The following JOSD1 variants were observed in gnomAD, a reference collection of about 807,000 sequenced individuals.
JOSD1 encodes Josephin domain containing 1, also known as josephin-1.
JOSD1 carries 11 observed loss-of-function variants against 24.3 expected under a neutral mutation model. That is an observed-to-expected ratio of 0.45 (90% CI 0.29 to 0.75). The LOEUF is 0.75. Among genes scored for constraint, JOSD1 ranks in the 30% least tolerant of loss-of-function variants. The probability of loss-of-function intolerance (pLI) is 0.11; values close to 1 mark genes in which losing one functional copy is unlikely to be tolerated. For synonymous variants in JOSD1, 106 were observed against 93.8 expected (o/e 1.13, Z -0.75); for missense variants, 184 against 253.5 (o/e 0.73, Z 1.86).
chr22:38,688,742 A>T (rs1446213154), intron 4 of JOSD1, among the ~76,000 whole-genome samples, 193 bp downstream of exon 4: 1 of 152,154 alleles, frequency 6.6e-6, no homozygotes, highest in Non-Finnish European at 1.5e-5. Flanking sequence ...CTTCCCTACC[A>T]AAAGGACTTA....
In JOSD1 at chr22:38,685,917, A is replaced by G. The variant is rs1438711922; in HGVS notation, c.*1985T>C. 6.6e-6 allele frequency: 1 copy of G among 152,662 alleles called. No individual in the cohort carries two copies. The highest frequency in any genetic ancestry group is 1.9e-4 in the East Asian group (1 of 5,200). The allele number at this position is 152,662 out of a possible 1,614,324, so 9.5% of individuals were successfully genotyped here. A position where few individuals can be genotyped will look rare whatever the true frequency, so the allele number is the denominator to read the frequency against. ...CCATTGGCTCATGGACTCCAAGTGCATGGGGACTCTTTCAAGTGCCATTTG... is the reference window on the plus strand; with the variant it reads ...CCATTGGCTCATGGACTCCAAGTGCGTGGGGACTCTTTCAAGTGCCATTTG... On this transcript the variant is annotated 3_prime_UTR_variant, in exon 5 of 5. Coordinates refer to ENST00000683374, the MANE Select transcript of JOSD1 (RefSeq NM_001360236.2).
upstream of JOSD1, chr22:38,701,203 T>G (rs971350933): frequency 6.4e-6 from 1 of 156,766 alleles, no homozygotes; most frequent in East Asian, 1.9e-4. Context: ...AGGGTTGGGG[T>G]CCAGCCGCTC....
intron 2 of JOSD1, among the ~76,000 whole-genome samples, chr22:38,698,684 C>T (rs2092555084): frequency 6.6e-6 from 1 of 152,166 alleles, no homozygotes; most frequent in African/African-American, 2.4e-5. Context: ...CTGTTGTGTC[C>T]ATTAAGACAC....
At chr22:38,692,171 GCATTT>G (rs1400507489) in intron 2 of JOSD1, among the ~76,000 whole-genome samples, 2 of 152,234 alleles carry the variant, frequency 1.3e-5, no homozygotes, top group African/African-American at 4.8e-5. Context: ...ACTTTAATTT[GCATTT>G]CATTTAATCT....
chr22:38,700,264 G>T lies in JOSD1; in HGVS notation c.-277C>A. On this transcript the variant is annotated 5_prime_UTR_variant, in exon 2 of 5. Coordinates refer to ENST00000683374, the MANE Select transcript of JOSD1 (RefSeq NM_001360236.2). ...ATTTAAAAAAACACATAAAATGTAA[G>T]ACCTTGTTTCCGTTTCCCCACCCTT... The T allele has an allele frequency of 9.0e-7, 1 of 1,111,084 alleles. No homozygotes were observed. The highest frequency in any genetic ancestry group is 1.1e-6 in the Non-Finnish European group (1 of 909,648). 68.8% of individuals were successfully genotyped at this position (1,111,084 alleles called of 1,614,324 possible).
chr22:38,691,133 G>A (rs1003219646), intron 2 of JOSD1, among the ~76,000 whole-genome samples: 1 of 152,192 alleles, frequency 6.6e-6, no homozygotes, highest in Admixed American at 6.5e-5. Flanking sequence ...GGGAGGCCAA[G>A]GTGGGAGTAT....
At chr22:38,696,528 C>T (rs1249532990) in intron 2 of JOSD1, among the ~76,000 whole-genome samples, 10 of 152,180 alleles carry the variant, frequency 6.6e-5, no homozygotes, top group Admixed American at 6.5e-4. Flanking sequence ...GCGTGAGCCA[C>T]CGTGCCTGGC....
chr22:38,698,768 CTTTT>C (rs925326579), intron 2 of JOSD1, among the ~76,000 whole-genome samples: 3 of 152,066 alleles, frequency 2.0e-5, no homozygotes, highest in African/African-American at 4.8e-5. Context: ...AGCTGAACTT[CTTTT>C]TTTGTTTTTC....
At position 38,699,879 on chromosome 22, in the gene JOSD1, C is replaced by A; in HGVS notation, c.109G>T (p.Ala37Ser). Reference protein sequence around the residue: ...YHEKQRRELCALHALNNVFQD... With the variant: ...YHEKQRRELCSLHALNNVFQD... ...AAGACGTTATTGAGGGCGTGGAGGG[C>A]ACAAAGCTCCCTGCGCTGTTTCTCA... is the stretch of plus-strand genomic sequence containing the variant. Residue 37 changes from alanine (A) to serine (S), a missense_variant, in exon 2 of 5, where the codon GCC becomes TCC. Coordinates refer to ENST00000683374, the MANE Select transcript of JOSD1 (RefSeq NM_001360236.2). 6.2e-7 allele frequency: 1 copy of A among 1,614,208 alleles called. No homozygotes were observed. The highest frequency in any genetic ancestry group is 8.5e-7 in the Non-Finnish European group (1 of 1,180,022).
chr22:38,689,542 T>C, intron 2 of JOSD1, 118 bp from the exon 3 acceptor site: 1 of 1,320,108 alleles, frequency 7.6e-7, no homozygotes, highest in South Asian at 1.4e-5. Flanking sequence ...TTTCCCCACA[T>C]TCAAGTGCAA....
At chr22:38,695,925 G>C in intron 2 of JOSD1, among the ~76,000 whole-genome samples, 1 of 152,102 alleles carries the variant, frequency 6.6e-6, no homozygotes, top group East Asian at 1.9e-4. Flanking sequence ...ATGTGGTGGC[G>C]GGCGTCTATA....
intron 2 of JOSD1, among the ~76,000 whole-genome samples, chr22:38,691,607 A>G (rs2092522630): frequency 6.6e-6 from 1 of 152,190 alleles, no homozygotes; most frequent in Admixed American, 6.5e-5. Context: ...CCCGCTGTCT[A>G]GAATGTTCTT....
chr22:38,689,293 T>C lies in JOSD1; in HGVS notation c.314+3A>G. On this transcript the variant is annotated splice_donor_region_variant and intron_variant, in intron 3 of 4. Transcript: ENST00000683374. ...CCATCAAGTCAAGCCTGATTCAGAT[T>C]ACCTGCGCTTGTCCCACCAAACAGC... 6.2e-7 allele frequency: 1 copy of C among 1,614,266 alleles called. No individual in the cohort carries two copies. The highest frequency in any genetic ancestry group is 8.5e-7 in the Non-Finnish European group (1 of 1,180,046).
In JOSD1 at chr22:38,689,386, C is replaced by G. The variant is rs1555986812; in HGVS notation, c.224G>C (p.Ser75Thr). The G allele has an allele frequency of 6.2e-7, 1 of 1,614,212 alleles. No homozygotes were observed. Among genetic ancestry groups the G allele is most frequent in the Non-Finnish European group, 8.5e-7 (1 of 1,180,032 alleles). Residue 75 changes from serine to threonine, a missense_variant, in exon 3 of 5, where the codon AGC becomes ACC. Physicochemically the swap from Ser to Thr is moderately conservative, Grantham distance 58. Coordinates refer to ENST00000683374, the MANE Select transcript of JOSD1 (RefSeq NM_001360236.2). ...PNTMVTPHKKSMLGNGNYDVN... is the reference protein window; with the variant it reads ...PNTMVTPHKKTMLGNGNYDVN... ...ATCGTAGTTGCCATTTCCCAGCATG[C>G]TCTTCTTGTGAGGTGTCACCATGGT...
upstream of JOSD1, chr22:38,701,247 GGAGTCCTA>G (rs908030997): frequency 7.9e-5 from 12 of 152,506 alleles, no homozygotes; most frequent in Admixed American, 7.8e-4. Flanking sequence ...GCGGCCTGAG[GGAGTCCTA>G]CCTGGACGCC....
chr22:38,687,799 A>G lies in JOSD1; in HGVS notation c.*103T>C. 1.3e-6 allele frequency: 1 copy of G among 744,798 alleles called. No individual in the cohort carries two copies. Among genetic ancestry groups the G allele is most frequent in the East Asian group, 2.5e-5 (1 of 39,788 alleles). 46.1% of individuals were successfully genotyped at this position (744,798 alleles called of 1,614,324 possible). The stretch of plus-strand genomic sequence containing the variant: ...GTCAGATCTGAAGGGGAAAAACTTG[A>G]TGAGATGTTTGGGGAAGTGGCAAGG... On this transcript the variant is annotated 3_prime_UTR_variant, in exon 5 of 5. Coordinates refer to ENST00000683374, the MANE Select transcript of JOSD1 (RefSeq NM_001360236.2).
rs1390624038 is a variant in JOSD1 at position 38,686,104 on chromosome 22, GAA to G, written c.*1796_*1797del. On this transcript the variant is annotated 3_prime_UTR_variant, in exon 5 of 5. Coordinates refer to ENST00000683374, the MANE Select transcript of JOSD1 (RefSeq NM_001360236.2). ...GTTGGAATGTCATTGTGCAGGGCAG[GAA>G]AAGAGCTCCCTGTGGTGCCAAGCAG... is the stretch of plus-strand genomic sequence containing the variant. The G allele has an allele frequency of 2.0e-5, 3 of 152,644 alleles. No individual in the cohort carries two copies. Among genetic ancestry groups the G allele is most frequent in the African/African-American group, 7.2e-5 (3 of 41,438 alleles). 9.5% of individuals were successfully genotyped at this position (152,644 alleles called of 1,614,324 possible). A position where few individuals can be genotyped will look rare whatever the true frequency, so the allele number is the denominator to read the frequency against.
rs189559185 is a variant in JOSD1, at chr22:38,695,780, G to T, written c.185+4023C>A. Among the ~76,000 whole-genome samples the T allele has an allele frequency of 1.2e-3, 185 of 151,924 alleles. 5 individuals are homozygous for T. The East Asian group carries it at 0.031, about 26-fold the overall frequency. Reference sequence around the variant, plus strand: ...ATTTTAATATTAAATATCCAAGGCCGGGCACGGTGGCTCACGCCTGTAATC... The same window carrying T: ...ATTTTAATATTAAATATCCAAGGCCTGGCACGGTGGCTCACGCCTGTAATC... On this transcript the variant is annotated intron_variant, in intron 2 of 4. Coordinates refer to ENST00000683374, the MANE Select transcript of JOSD1 (RefSeq NM_001360236.2).
chr22:38,690,498 G>A (rs1230796959), intron 2 of JOSD1, among the ~76,000 whole-genome samples: 1 of 151,676 alleles, frequency 6.6e-6, no homozygotes, highest in Non-Finnish European at 1.5e-5. Context: ...CGTCTCCTGC[G>A]TTCAAGTGAT....
Sources: gnomAD v4.1 joint callset for allele counts (sites outside exome capture counted in the v4.1 genomes callset) on GRCh38, gnomAD v4.1.1 for gene constraint, MANE v1.5 for transcripts, NCBI Gene and HGNC (gene_info 2026-07-23, HGNC 2026-07-21) for gene names.